Variants in ZNRF2 observed in about 807,000 individuals in gnomAD.
ZNRF2 encodes E3 ubiquitin-protein ligase ZNRF2.
A neutral mutation model predicts 20.4 loss-of-function variants in ZNRF2; 16 were observed. The observed-to-expected ratio is 0.79, with a 90% CI of 0.53 to 1.19. The LOEUF is 1.19. Among genes scored for constraint, ZNRF2 ranks in the 50% most tolerant of loss-of-function variants. The probability of loss-of-function intolerance (pLI) is 0.00; values close to 1 mark genes in which losing one functional copy is unlikely to be tolerated. For missense variants in ZNRF2, 363 were observed against 332.4 expected (o/e 1.09, Z -0.72); for synonymous variants, 178 against 144.9 (o/e 1.23, Z -1.64).
intron 2 of ZNRF2, among the ~76,000 whole-genome samples, chr7:30,336,442 A>C (rs770480577): frequency 4.6e-5 from 7 of 152,164 alleles, no homozygotes; most frequent in Non-Finnish European, 1.0e-4. Flanking sequence ...CTTGGGGGGA[A>C]CTATATTTAA....
intron 1 of ZNRF2, among the ~76,000 whole-genome samples, chr7:30,286,946 C>T (rs751183604): frequency 6.6e-6 from 1 of 152,078 alleles, no homozygotes; most frequent in Non-Finnish European, 1.5e-5. Flanking sequence ...GTAATTTATC[C>T]GTTCTCATGT....
intron 1 of ZNRF2, among the ~76,000 whole-genome samples, chr7:30,307,328 T>G (rs868287398): frequency 1.1e-3 from 75 of 69,852 alleles, no homozygotes; most frequent in African/African-American, 7.5e-3. Flanking sequence ...TTTTTTTTGT[T>G]TTTTTTTTTT....
chr7:30,355,247 A>C (rs969493011), intron 2 of ZNRF2, among the ~76,000 whole-genome samples: 1 of 152,144 alleles, frequency 6.6e-6, no homozygotes, highest in Non-Finnish European at 1.5e-5. Context: ...TCTTGAGTTA[A>C]GCAACTTTTT....
rs1483733781 is a variant in ZNRF2 at position 30,366,427 on chromosome 7, CTCTT to C, written c.*417_*420del. The C allele has an allele frequency of 6.6e-6, 1 of 152,462 alleles. No individual in the cohort carries two copies. The highest frequency in any genetic ancestry group is 1.5e-5 in the Non-Finnish European group (1 of 67,982). 9.4% of individuals were successfully genotyped at this position (152,462 alleles called of 1,614,324 possible). On this transcript the variant is annotated 3_prime_UTR_variant, in exon 5 of 5. Coordinates refer to ENST00000323037, the MANE Select transcript of ZNRF2 (RefSeq NM_147128.4). Reference sequence around the variant, plus strand: ...TTTGTTTTGTTTTTTAATTTGGGGTCTCTTTGTTTTCCCCAACATAATGTTCATA... The same window carrying C: ...TTTGTTTTGTTTTTTAATTTGGGGTCTGTTTTCCCCAACATAATGTTCATA...
At chr7:30,311,895 G>A (rs1053155436) in intron 1 of ZNRF2, among the ~76,000 whole-genome samples, 1 of 152,080 alleles carries the variant, frequency 6.6e-6, no homozygotes, top group African/African-American at 2.4e-5. Context: ...ATCTGTTAAT[G>A]TATATTTAGC....
intron 1 of ZNRF2, among the ~76,000 whole-genome samples, chr7:30,315,726 G>GT (rs1562610147): frequency 0.013 from 1,159 of 88,788 alleles, 36 homozygotes; most frequent in African/African-American, 0.028. Context: ...AAAAGGTGGG[G>GT]CGGGGGGGGG....
chr7:30,341,850 A>G (rs185404773), intron 2 of ZNRF2, among the ~76,000 whole-genome samples: 20 of 152,144 alleles, frequency 1.3e-4, no homozygotes, highest in Admixed American at 4.6e-4. Flanking sequence ...ATTGTGTGGG[A>G]GTCTAAGTCT....
chr7:30,349,265 A>G (rs1446340243), intron 2 of ZNRF2, among the ~76,000 whole-genome samples: 1 of 152,220 alleles, frequency 6.6e-6, no homozygotes, highest in East Asian at 1.9e-4. Context: ...TGACTTGTCC[A>G]AAGCTCAAGC....
chr7:30,333,054 CTTT>C (rs1259371701), intron 2 of ZNRF2, among the ~76,000 whole-genome samples: 4 of 139,016 alleles, frequency 2.9e-5, no homozygotes, highest in Non-Finnish European at 4.7e-5. Context: ...TATATTTTGA[CTTT>C]TTTTTTTTTT....
At chr7:30,309,571 G>A (rs75119409) in intron 1 of ZNRF2, among the ~76,000 whole-genome samples, 3,047 of 152,244 alleles carry the variant, frequency 0.02, 106 homozygotes, top group African/African-American at 0.069. Context: ...GCACATGTCC[G>A]TCTAAACTTC....
chr7:30,285,226 C>A lies in ZNRF2; in HGVS notation c.-132C>A. On this transcript the variant is annotated 5_prime_UTR_variant, in exon 1 of 5. Coordinates refer to ENST00000323037, the MANE Select transcript of ZNRF2 (RefSeq NM_147128.4). ...GACTGCCCCTCTGGACGCCGGGCGGCGGCCCTGGACGTGCGGGGGCCTCTC... is the reference window on the plus strand; with the variant it reads ...GACTGCCCCTCTGGACGCCGGGCGGAGGCCCTGGACGTGCGGGGGCCTCTC... The A allele has an allele frequency of 1.5e-6, 1 of 661,390 alleles. No individual in the cohort carries two copies. Among genetic ancestry groups the A allele is most frequent in the Non-Finnish European group, 2.0e-6 (1 of 491,506 alleles). 41.0% of individuals were successfully genotyped at this position (661,390 alleles called of 1,614,324 possible). A position where few individuals can be genotyped will look rare whatever the true frequency, so the allele number is the denominator to read the frequency against.
intron 1 of ZNRF2, among the ~76,000 whole-genome samples, chr7:30,319,998 T>G (rs1294522460): frequency 6.6e-6 from 1 of 152,196 alleles, no homozygotes; most frequent in Admixed American, 6.5e-5. Flanking sequence ...TATTTTTATT[T>G]TTAAATAGAA....
chr7:30,337,729 T>G (rs575919122), intron 2 of ZNRF2, among the ~76,000 whole-genome samples: 3 of 152,076 alleles, frequency 2.0e-5, no homozygotes, highest in Admixed American at 6.5e-5. Flanking sequence ...TATCTTTGCT[T>G]CTTTATTATA....
At chr7:30,323,404 G>A (rs1799505497) in intron 1 of ZNRF2, among the ~76,000 whole-genome samples, 1 of 152,154 alleles carries the variant, frequency 6.6e-6, no homozygotes, top group South Asian at 2.1e-4. Flanking sequence ...AGTTTGTAGT[G>A]GACTGCATCC....
At chr7:30,356,536 A>G (rs926777262) in intron 3 of ZNRF2, among the ~76,000 whole-genome samples, 4 of 152,174 alleles carry the variant, frequency 2.6e-5, no homozygotes, top group African/African-American at 7.2e-5. Flanking sequence ...GAACATAAGT[A>G]TACATAACAT....
intron 2 of ZNRF2, among the ~76,000 whole-genome samples, chr7:30,341,751 C>A (rs1039122948): frequency 2.0e-5 from 3 of 152,102 alleles, no homozygotes; most frequent in African/African-American, 7.2e-5. Flanking sequence ...TGGTCCAGAG[C>A]TGAGTTCAAG....
chr7:30,319,437 C>T (rs143406047), intron 1 of ZNRF2, among the ~76,000 whole-genome samples: 1 of 152,232 alleles, frequency 6.6e-6, no homozygotes, highest in Non-Finnish European at 1.5e-5. Flanking sequence ...AGAAGTCAGG[C>T]CTGGAGGGCT....
chr7:30,285,305 C>T lies in ZNRF2; in HGVS notation c.-53C>T, dbSNP rs1278441096. ...CCTCTAGCTCCCGCGCTCGCTCCCGCCCTCCCGGCTCTCGGGGCGCAGCGC... is the reference window on the plus strand; with the variant it reads ...CCTCTAGCTCCCGCGCTCGCTCCCGTCCTCCCGGCTCTCGGGGCGCAGCGC... On this transcript the variant is annotated 5_prime_UTR_variant, in exon 1 of 5. Coordinates refer to ENST00000323037, the MANE Select transcript of ZNRF2 (RefSeq NM_147128.4). 5.7e-6 allele frequency: 6 copies of T among 1,061,330 alleles called. No homozygotes were observed. The highest frequency in any genetic ancestry group is 1.7e-5 in the African/African-American group (1 of 58,232). The allele number at this position is 1,061,330 out of a possible 1,614,324, so 65.7% of individuals were successfully genotyped here.
chr7:30,297,118 A>G (rs1393239165), intron 1 of ZNRF2, among the ~76,000 whole-genome samples: 1 of 152,194 alleles, frequency 6.6e-6, no homozygotes, highest in Non-Finnish European at 1.5e-5. Flanking sequence ...TTTGTCTTTT[A>G]AAAATTTGTT....
Sources: allele counts gnomAD v4.1 joint callset (sites outside exome capture counted in the v4.1 genomes callset), GRCh38; gene constraint gnomAD v4.1.1; transcripts MANE v1.5; gene names NCBI Gene and HGNC (gene_info 2026-07-23, HGNC 2026-07-21).